The following ITIH2 variants were observed in gnomAD, a reference collection of about 807,000 sequenced individuals.
ITIH2 encodes inter-alpha-trypsin inhibitor heavy chain H2.
Under a neutral mutation model 104.4 loss-of-function variants are expected in ITIH2, and 103 were observed. The observed-to-expected ratio is 0.99, with a 90% CI of 0.84 to 1.16. The LOEUF is 1.16. ITIH2 is among the 50% of genes most tolerant of loss of function. ITIH2 has a pLI of 0.00. For synonymous variants in ITIH2, 436 were observed against 435.4 expected (o/e 1.00, Z -0.02); for missense variants, 1,108 against 1,162.4 (o/e 0.95, Z 0.68).
intron 4 of ITIH2, among the ~76,000 whole-genome samples, chr10:7,712,940 G>A (rs1336228004): frequency 2.0e-5 from 3 of 150,250 alleles, no homozygotes; most frequent in African/African-American, 4.9e-5. Flanking sequence ...CCAACATGGC[G>A]AAACCCAATC....
intron 19 of ITIH2, among the ~76,000 whole-genome samples, chr10:7,745,724 T>C (rs112920556): frequency 0.069 from 10,389 of 151,378 alleles, 404 homozygotes; most frequent in Middle Eastern, 0.12. Context: ...CCAGCCTGGG[T>C]GACAGAGGGA....
chr10:7,709,054 T>G lies in ITIH2; in HGVS notation c.225T>G (p.Tyr75Ter). Residue 75 changes from tyrosine to a stop codon, truncating the protein, a stop_gained, in exon 4 of 21, where the codon TAT becomes TAG. Coordinates refer to ENST00000358415, the MANE Select transcript of ITIH2 (RefSeq NM_002216.3). LOFTEE classifies it high-confidence loss of function. Reference sequence around the variant, plus strand: ...TTGATCAAGTAACTCTTTATAGCTATAAAGTCCAGTCTACTATTACTTCTC... The same window carrying G: ...TTGATCAAGTAACTCTTTATAGCTAGAAAGTCCAGTCTACTATTACTTCTC... ...EEVDQVTLYS[Y>*]KVQSTITSRM... The G allele has an allele frequency of 1.9e-6, 3 of 1,614,156 alleles. No homozygotes were observed. The highest frequency in any genetic ancestry group is 2.5e-6 in the Non-Finnish European group (3 of 1,179,990).
chr10:7,730,184 T>G, intron 12 of ITIH2, 51 bp downstream of exon 12: 1 of 1,318,734 alleles, frequency 7.6e-7, no homozygotes, highest in South Asian at 1.4e-5. Flanking sequence ...ATCATTTAAC[T>G]ACCCATATCT....
rs771187299 is a variant in ITIH2 at position 7,738,758 on chromosome 10, G to T, written c.2095G>T (p.Val699Phe). 1 of 1,606,362 alleles carries T rather than the reference G, an allele frequency of 6.2e-7. No homozygotes were observed. The highest frequency in any genetic ancestry group is 1.7e-5 in the Admixed American group (1 of 59,144). Reference sequence around the variant, plus strand: ...CACGCCACCCCCACATGTGATGAGAGGTAACGCTTCTACACTGCTTGCACG... The same window carrying T: ...CACGCCACCCCCACATGTGATGAGATGTAACGCTTCTACACTGCTTGCACG... Reference protein sequence around the residue: ...ESTPPPHVMRVENDPHFIIYL... With the variant: ...ESTPPPHVMRFENDPHFIIYL... The change falls in exon 16 of 21, where the codon GTT (valine) becomes TTT (phenylalanine). Residue 699 changes from valine (V) to phenylalanine (F), a missense_variant and splice_region_variant. Val to Phe is a conservative substitution (Grantham distance 50). Transcript: ENST00000358415.
chr10:7,746,836 G>T, intron 20 of ITIH2, 132 bp downstream of exon 20: 1 of 599,266 alleles, frequency 1.7e-6, no homozygotes, highest in East Asian at 2.8e-5. Context: ...ATTAGGAATA[G>T]ACGCACACAG....
At chr10:7,706,602 C>A (rs773668765) in intron 2 of ITIH2, among the ~76,000 whole-genome samples, 12 of 152,102 alleles carry the variant, frequency 7.9e-5, no homozygotes, top group Middle Eastern at 3.2e-3. Flanking sequence ...TCAAATAATC[C>A]CTCAAATAGA....
intron 16 of ITIH2, among the ~76,000 whole-genome samples, chr10:7,739,375 T>C (rs1399861998): frequency 6.6e-6 from 1 of 152,138 alleles, no homozygotes. Flanking sequence ...AGCACATCCC[T>C]CTCCCTGAAG....
intron 16 of ITIH2, among the ~76,000 whole-genome samples, chr10:7,741,291 G>A (rs1835121915): frequency 6.8e-6 from 1 of 147,514 alleles, no homozygotes; most frequent in South Asian, 2.2e-4. Flanking sequence ...CAATTCTCCT[G>A]CCTCAGGCTC....
At chr10:7,710,680 C>T (rs1231310959) in intron 4 of ITIH2, among the ~76,000 whole-genome samples, 1 of 152,148 alleles carries the variant, frequency 6.6e-6, no homozygotes, top group Non-Finnish European at 1.5e-5. Context: ...TGAACTCTAA[C>T]CAAATAGGCA....
chr10:7,740,774 G>A (rs992717819), intron 16 of ITIH2, among the ~76,000 whole-genome samples: 3 of 152,036 alleles, frequency 2.0e-5, no homozygotes, highest in Non-Finnish European at 4.4e-5. Flanking sequence ...CCTCTAAAAC[G>A]GGGATGATAA....
intron 15 of ITIH2, among the ~76,000 whole-genome samples, chr10:7,737,426 T>TATATAC (rs1407631058): frequency 7.6e-5 from 10 of 131,076 alleles, no homozygotes; most frequent in African/African-American, 2.5e-4. Flanking sequence ...TATATATATA[T>TATATAC]ACACGTGTAT....
At chr10:7,715,160 C>T (rs1190795312) in intron 5 of ITIH2, among the ~76,000 whole-genome samples, 6 of 152,092 alleles carry the variant, frequency 3.9e-5, no homozygotes, top group African/African-American at 1.4e-4. Flanking sequence ...TGGTGGCTCA[C>T]GCCTGTAATC....
chr10:7,714,665 G>A (rs964597424), intron 5 of ITIH2, among the ~76,000 whole-genome samples: 4 of 152,202 alleles, frequency 2.6e-5, no homozygotes, highest in African/African-American at 9.7e-5. Flanking sequence ...GACACCGTCA[G>A]CCTCATGCAG....
chr10:7,731,709 A>G (rs1835004228), intron 12 of ITIH2, 102 bp from the exon 13 acceptor site: 1 of 849,056 alleles, frequency 1.2e-6, no homozygotes. Flanking sequence ...TGGGCAACAG[A>G]GTGAGACATC....
intron 15 of ITIH2, among the ~76,000 whole-genome samples, chr10:7,738,341 C>T (rs546905762): frequency 4.2e-5 from 6 of 141,326 alleles, no homozygotes; most frequent in East Asian, 2.0e-4. Context: ...CTTCGCTCCC[C>T]GGCCTGCACT....
intron 13 of ITIH2, 89 bp from the exon 14 acceptor site, chr10:7,732,249 C>T (rs1445502839): frequency 7.2e-7 from 1 of 1,394,324 alleles, no homozygotes; most frequent in Non-Finnish European, 1.0e-6. Flanking sequence ...TTTTTATTCC[C>T]ATTCATTCGC....
chr10:7,718,722 T>C (rs1260326256), intron 6 of ITIH2, among the ~76,000 whole-genome samples: 1 of 152,172 alleles, frequency 6.6e-6, no homozygotes, highest in Admixed American at 6.5e-5. Flanking sequence ...TGTTCCTTTC[T>C]TTGTGTCCAT....
intron 15 of ITIH2, among the ~76,000 whole-genome samples, chr10:7,737,141 C>A (rs912268164): frequency 6.6e-6 from 1 of 151,372 alleles, no homozygotes; most frequent in East Asian, 2.0e-4. Context: ...GGGGAGTAGA[C>A]AAGAACTGGC....
intron 6 of ITIH2, among the ~76,000 whole-genome samples, chr10:7,718,375 T>A (rs2130945012): frequency 6.6e-6 from 1 of 152,248 alleles, no homozygotes; most frequent in South Asian, 2.1e-4. Context: ...TCCAGATAAA[T>A]CTACATTCAC....
Sources: allele counts gnomAD v4.1 joint callset (sites outside exome capture counted in the v4.1 genomes callset), GRCh38; gene constraint gnomAD v4.1.1; transcripts MANE v1.5; gene names NCBI Gene and HGNC (gene_info 2026-07-23, HGNC 2026-07-21).